Variants in PSD3 observed in about 807,000 individuals in gnomAD.
PSD3 encodes the protein pleckstrin and Sec7 domain containing 3.
PSD3 carries 49 observed loss-of-function variants against 105.5 expected under a neutral mutation model. The observed-to-expected ratio is 0.46, with a 90% CI of 0.37 to 0.59. The LOEUF (loss-of-function observed/expected upper bound fraction) is 0.59, where lower values mean the gene tolerates loss of function less well. Among genes scored for constraint, PSD3 ranks in the 20% least tolerant of loss-of-function variants. PSD3 has a pLI of 0.00. For synonymous variants in PSD3, 557 were observed against 457.8 expected, an observed-to-expected ratio of 1.22 and a Z score of -2.77; for missense variants, 1,561 against 1,263.8, an observed-to-expected ratio of 1.24 and a Z score of -3.57.
chr8:18,771,028 T>G (rs1807472847), intron 8 of PSD3, among the ~76,000 whole-genome samples: 1 of 152,340 alleles, frequency 6.6e-6, no homozygotes, highest in Non-Finnish European at 1.5e-5. Context: ...GGCCAGATTC[T>G]TCTCAGAAGT....
intron 15 of PSD3, among the ~76,000 whole-genome samples, chr8:18,537,077 G>A (rs1348131988): frequency 6.6e-6 from 1 of 152,158 alleles, no homozygotes; most frequent in Non-Finnish European, 1.5e-5. Context: ...ACCTTTTCAA[G>A]CTGCTTCGTT....
At chr8:18,990,306 G>A (rs1249802844) in intron 1 of PSD3, among the ~76,000 whole-genome samples, 1 of 152,198 alleles carries the variant, frequency 6.6e-6, no homozygotes, top group Admixed American at 6.5e-5. Context: ...GCATGGTCTG[G>A]CCCTAGCTTA....
chr8:18,535,641 G>C lies in PSD3; in HGVS notation c.*102C>G. The stretch of plus-strand genomic sequence containing the variant: ...GAAAAAATTACTAATGCACCGTTTT[G>C]TCACAGACTTTTTTTTTTTAAATAT... On this transcript the variant is annotated 3_prime_UTR_variant, in exon 16 of 16. Transcript: ENST00000327040. The C allele has an allele frequency of 1.0e-6, 1 of 975,620 alleles. No homozygotes were observed. The highest frequency in any genetic ancestry group is 1.5e-6 in the Non-Finnish European group (1 of 653,762). The allele number at this position is 975,620 out of a possible 1,614,324, so 60.4% of individuals were successfully genotyped here. A position where few individuals can be genotyped will look rare whatever the true frequency, so the allele number is the denominator to read the frequency against.
At chr8:19,065,048 G>T (rs76683538) in intron 1 of PSD3, among the ~76,000 whole-genome samples, 2,311 of 152,218 alleles carry the variant, frequency 0.015, 72 homozygotes, top group African/African-American at 0.053. Context: ...GAGATTCACA[G>T]CAACCACTAG....
At chr8:18,619,002 C>G (rs183965356) in intron 11 of PSD3, among the ~76,000 whole-genome samples, 2 of 152,222 alleles carry the variant, frequency 1.3e-5, no homozygotes, top group East Asian at 1.9e-4. Flanking sequence ...TCCTCTATCT[C>G]TACTCCTCCT....
At chr8:18,540,510 C>T (rs932439543) in intron 15 of PSD3, among the ~76,000 whole-genome samples, 1 of 152,100 alleles carries the variant, frequency 6.6e-6, no homozygotes, top group Non-Finnish European at 1.5e-5. Flanking sequence ...ACAATAAAAG[C>T]TTTGCTCCTT....
intron 11 of PSD3, among the ~76,000 whole-genome samples, chr8:18,616,528 G>A (rs1412317657): frequency 6.6e-6 from 1 of 151,814 alleles, no homozygotes; most frequent in African/African-American, 2.4e-5. Context: ...ATCTATTCTC[G>A]CTCTCATCAT....
Position 18,531,619 on chromosome 8 carries a change from A to T in PSD3, c.*4124T>A, listed in dbSNP as rs1799635954. ...AGACAAGATGGCCAGAAAGCTGTGG[A>T]GCAAGGTAGGAGGCCCAGAGGCGCA... On this transcript the variant is annotated 3_prime_UTR_variant, in exon 16 of 16. Coordinates refer to ENST00000327040, the MANE Select transcript of PSD3 (RefSeq NM_015310.4). 6.6e-6 allele frequency: 1 copy of T among 152,322 alleles called. No individual in the cohort carries two copies. Among genetic ancestry groups the T allele is most frequent in the Non-Finnish European group, 1.5e-5 (1 of 68,092 alleles). 9.4% of individuals were successfully genotyped at this position (152,322 alleles called of 1,614,324 possible).
intron 15 of PSD3, 118 bp from the exon 16 acceptor site, chr8:18,536,076 T>C (rs1799829521): frequency 2.1e-6 from 2 of 945,580 alleles, no homozygotes; most frequent in East Asian, 2.6e-5. Context: ...CTTCGCTTCA[T>C]TTCCCAAACT....
intron 12 of PSD3, among the ~76,000 whole-genome samples, chr8:18,580,467 T>C (rs899826680): frequency 5.3e-5 from 8 of 152,000 alleles, no homozygotes; most frequent in African/African-American, 1.7e-4. Context: ...AACCTATTGG[T>C]TGAGCCTAGG....
At chr8:19,054,617 C>T (rs149462591) in intron 1 of PSD3, among the ~76,000 whole-genome samples, 1 of 152,136 alleles carries the variant, frequency 6.6e-6, no homozygotes, top group African/African-American at 2.4e-5. Flanking sequence ...AAGAATCTAC[C>T]TTTGGATATC....
At chr8:18,753,653 TTAGA>T (rs1257142500) in intron 9 of PSD3, among the ~76,000 whole-genome samples, 9 of 152,178 alleles carry the variant, frequency 5.9e-5, no homozygotes, top group Non-Finnish European at 8.8e-5. Flanking sequence ...AAGAATGGTT[TTAGA>T]TAGAGAAATG....
intron 8 of PSD3, among the ~76,000 whole-genome samples, chr8:18,796,042 G>A (rs527910834): frequency 6.6e-6 from 1 of 151,946 alleles, no homozygotes; most frequent in African/African-American, 2.4e-5. Context: ...TTCACCACAC[G>A]ACTACAATTA....
At chr8:18,678,404 T>C (rs1800188177) in intron 9 of PSD3, among the ~76,000 whole-genome samples, 1 of 152,206 alleles carries the variant, frequency 6.6e-6, no homozygotes, top group Non-Finnish European at 1.5e-5. Context: ...TCAGAAACCA[T>C]CAACTTCTTT....
intron 12 of PSD3, among the ~76,000 whole-genome samples, chr8:18,593,038 A>T (rs1803731216): frequency 6.6e-6 from 1 of 152,228 alleles, no homozygotes; most frequent in South Asian, 2.1e-4. Context: ...AAACCTAGGC[A>T]ATACCATTCA....
chr8:18,865,266 ATATATATATATATATATATAT>A lies in PSD3; in HGVS notation c.1634+2387_1634+2407del, dbSNP rs1563360405. ...TATATATATATATATATATATATAT[ATATATATATATATATATATAT>A]TTTTTTTTTTTTTTTTTTTTTTAAA... On this transcript the variant is annotated intron_variant, in intron 4 of 15. Coordinates refer to ENST00000327040, the MANE Select transcript of PSD3 (RefSeq NM_015310.4). 17 of 3,328 alleles carry A rather than the reference ATATATATATATATATATATAT, an allele frequency of 5.1e-3. 3 individuals are homozygous for A. The highest frequency in any genetic ancestry group is 0.015 in the African/African-American group (13 of 844). 0.2% of individuals were successfully genotyped at this position (3,328 alleles called of 1,614,324 possible). A position where few individuals can be genotyped will look rare whatever the true frequency, so the allele number is the denominator to read the frequency against.
chr8:18,771,576 C>T (rs752716272), intron 8 of PSD3, among the ~76,000 whole-genome samples: 6 of 152,140 alleles, frequency 3.9e-5, no homozygotes, highest in Non-Finnish European at 5.9e-5. Flanking sequence ...TCAGTTGTTA[C>T]GACATCATTT....
intron 13 of PSD3, among the ~76,000 whole-genome samples, chr8:18,573,968 T>C (rs1546001): frequency 0.31 from 47,146 of 152,004 alleles, 7,713 homozygotes; most frequent in East Asian, 0.45. Flanking sequence ...ATAAGACTAT[T>C]TAGAAAACCC....
At chr8:18,957,369 C>CA (rs58128598) in intron 1 of PSD3, among the ~76,000 whole-genome samples, 131 of 137,680 alleles carry the variant, frequency 9.5e-4, no homozygotes, top group African/African-American at 2.9e-3. Context: ...GACTCCGTCT[C>CA]AAAAAAAAAA....
Sources: allele counts gnomAD v4.1 joint callset (sites outside exome capture counted in the v4.1 genomes callset), GRCh38; gene constraint gnomAD v4.1.1; transcripts MANE v1.5; gene names NCBI Gene and HGNC (gene_info 2026-07-23, HGNC 2026-07-21).